GRIN2A: variants seen among roughly 807,000 people sequenced by gnomAD.
GRIN2A encodes the protein glutamate ionotropic receptor NMDA type subunit 2A, also known as glutamate receptor ionotropic, NMDA 2A.
In GRIN2A, 22 loss-of-function variants were observed where a neutral mutation model predicts 113.4. That is an observed-to-expected ratio of 0.19 (90% confidence interval 0.14 to 0.28). The LOEUF is 0.28. Ranked by LOEUF, GRIN2A falls within the 10% of genes least tolerant of loss-of-function variation. The pLI, the probability that GRIN2A is intolerant of heterozygous loss-of-function variation, is 1.00. For synonymous variants in GRIN2A, 827 were observed against 738.4 expected (o/e 1.12, Z -1.94); for missense variants, 1,502 against 1,887.0 (o/e 0.80, Z 3.78).
chr16:9,861,482 A>G (rs2043067229), intron 4 of GRIN2A, among the ~76,000 whole-genome samples: 1 of 152,234 alleles, frequency 6.6e-6, no homozygotes, highest in Non-Finnish European at 1.5e-5. Context: ...ATCACAGGTT[A>G]ACACATAAGT....
Position 9,849,771 on chromosome 16 carries a change from T to C in GRIN2A, c.1313A>G (p.Lys438Arg), listed in dbSNP as rs2042848665. 1 of 1,614,016 alleles carries C rather than the reference T, an allele frequency of 6.2e-7. No individual in the cohort carries two copies. The highest frequency in any genetic ancestry group is 8.5e-7 in the Non-Finnish European group (1 of 1,179,906). The stretch of plus-strand genomic sequence containing the variant: ...TGCCACTCACTTGATTTTGACGAAC[T>C]TCCGACATGGCACGGTGTTCCTCAC... ...TCVRNTVPCR[K>R]FVKINNSTNE... Residue 438 changes from lysine (K) to arginine (R), a missense_variant, in exon 5 of 13, where the codon AAG becomes AGG. Transcript: ENST00000330684.
At position 9,754,599 on chromosome 16, in the gene GRIN2A, A is replaced by G. The variant is rs924451768; in HGVS notation, c.*8550T>C. 1.9e-5 allele frequency: 4 copies of G among 214,554 alleles called. No homozygotes were observed. The highest frequency in any genetic ancestry group is 9.0e-5 in the African/African-American group (4 of 44,284). 13.3% of individuals were successfully genotyped at this position (214,554 alleles called of 1,614,324 possible). On this transcript the variant is annotated 3_prime_UTR_variant, in exon 13 of 13. Coordinates refer to ENST00000330684, the MANE Select transcript of GRIN2A (RefSeq NM_001134407.3). Reference sequence around the variant, plus strand: ...AACTGAAACATTTACGTAAGTGGTCATGGCCCCAGAGCTTTTCTACAAACT... The same window carrying G: ...AACTGAAACATTTACGTAAGTGGTCGTGGCCCCAGAGCTTTTCTACAAACT...
At chr16:9,972,995 C>T (rs1307351562) in intron 2 of GRIN2A, among the ~76,000 whole-genome samples, 3 of 152,152 alleles carry the variant, frequency 2.0e-5, no homozygotes, top group Non-Finnish European at 2.9e-5. Context: ...GAGATGAAAT[C>T]ACAGGGCGTT....
chr16:9,775,423 A>G (rs910880240), intron 11 of GRIN2A, among the ~76,000 whole-genome samples: 5 of 152,216 alleles, frequency 3.3e-5, no homozygotes, highest in African/African-American at 1.2e-4. Context: ...AGCACTTAAC[A>G]TGTGGCAAAC....
At chr16:9,832,748 ATCT>A (rs2042518870) in intron 8 of GRIN2A, among the ~76,000 whole-genome samples, 5 of 152,328 alleles carry the variant, frequency 3.3e-5, no homozygotes, top group African/African-American at 1.2e-4. Flanking sequence ...CCTGTTGGAA[ATCT>A]TCTTAGAGGT....
At chr16:9,934,567 GTTAC>G (rs201004860) in intron 3 of GRIN2A, among the ~76,000 whole-genome samples, 1,877 of 148,894 alleles carry the variant, frequency 0.013, 41 homozygotes, top group African/African-American at 0.044. Flanking sequence ...TGTAGTCCCA[GTTAC>G]TTAGGAGGGT....
rs149158084 is a variant in GRIN2A, at chr16:9,924,437, G to A, written c.1007+13522C>T. Among the ~76,000 whole-genome samples, 543 of 152,168 alleles carry A rather than the reference G, an allele frequency of 3.6e-3. 5 individuals carry two copies. The highest frequency in any genetic ancestry group is 0.012 in the African/African-American group (508 of 41,526). ...CCTGTATTGTTTCCGACGAGAAGTCGGCTGACATCTTTTTTCACTCTGACA... is the reference window on the plus strand; with the variant it reads ...CCTGTATTGTTTCCGACGAGAAGTCAGCTGACATCTTTTTTCACTCTGACA... On this transcript the variant is annotated intron_variant, in intron 3 of 12. Coordinates refer to ENST00000330684, the MANE Select transcript of GRIN2A (RefSeq NM_001134407.3).
chr16:9,780,205 G>T (rs8054772), intron 11 of GRIN2A, among the ~76,000 whole-genome samples: 2,464 of 152,332 alleles, frequency 0.016, 65 homozygotes, highest in African/African-American at 0.051. Context: ...CTGGTTCAAA[G>T]TATCTACTAA....
intron 2 of GRIN2A, among the ~76,000 whole-genome samples, chr16:9,976,157 A>G (rs1393633784): frequency 6.6e-6 from 1 of 152,242 alleles, no homozygotes; most frequent in Non-Finnish European, 1.5e-5. Context: ...TATAGCTTAC[A>G]TAAATGGGGA....
chr16:9,825,551 G>A (rs1567326299), intron 9 of GRIN2A, among the ~76,000 whole-genome samples: 1 of 152,120 alleles, frequency 6.6e-6, no homozygotes, highest in Non-Finnish European at 1.5e-5. Flanking sequence ...AATTAACCAA[G>A]ATATTTTTTC....
rs78379356 is a variant in GRIN2A, at chr16:9,793,706, A to G, written c.2356+4571T>C. On this transcript the variant is annotated intron_variant, in intron 11 of 12. Coordinates refer to ENST00000330684, the MANE Select transcript of GRIN2A (RefSeq NM_001134407.3). Reference sequence around the variant, plus strand: ...CTTAAAGATACTAGTTATGTCTCGTATTTCTCCTTGACCATTCTCTTATCT... The same window carrying G: ...CTTAAAGATACTAGTTATGTCTCGTGTTTCTCCTTGACCATTCTCTTATCT... 2.6e-3 allele frequency among the ~76,000 whole-genome samples: 403 copies of G among 152,182 alleles called. 5 individuals are homozygous for G. The highest frequency in any genetic ancestry group is 9.4e-3 in the African/African-American group (391 of 41,536).
In GRIN2A at chr16:9,829,284, G is replaced by C. The variant is rs2042443550; in HGVS notation, c.2007+139C>G. 7.8e-6 allele frequency: 5 copies of C among 644,318 alleles called. No homozygotes were observed. In the South Asian group the frequency reaches 9.3e-5, roughly 12 times the overall value. 39.9% of individuals were successfully genotyped at this position (644,318 alleles called of 1,614,324 possible). Reference sequence around the variant, plus strand: ...AAAACTTTGAGAAAGAGGACAATTTGAGTTAAAGAGAAAAAACCTTCTGGC... The same window carrying C: ...AAAACTTTGAGAAAGAGGACAATTTCAGTTAAAGAGAAAAAACCTTCTGGC... On this transcript the variant is annotated intron_variant, in intron 9 of 12. Transcript: ENST00000330684.
chr16:9,760,345 T>G lies in GRIN2A; in HGVS notation c.*2804A>C, dbSNP rs956793806. Reference sequence around the variant, plus strand: ...CTTTGAATAACTCTACATCTTTTCCTTAGAAATTGACCATCTGATCAGTAG... The same window carrying G: ...CTTTGAATAACTCTACATCTTTTCCGTAGAAATTGACCATCTGATCAGTAG... On this transcript the variant is annotated 3_prime_UTR_variant, in exon 13 of 13. Transcript: ENST00000330684. 9 of 202,956 alleles carry G rather than the reference T, an allele frequency of 4.4e-5. No homozygotes were observed. The highest frequency in any genetic ancestry group is 9.9e-6 in the Non-Finnish European group (1 of 101,180). 12.6% of individuals were successfully genotyped at this position (202,956 alleles called of 1,614,324 possible).
At chr16:10,064,532 C>A (rs972374121) in intron 2 of GRIN2A, among the ~76,000 whole-genome samples, 2 of 152,174 alleles carry the variant, frequency 1.3e-5, no homozygotes, top group Non-Finnish European at 2.9e-5. Flanking sequence ...CTGTTCATGC[C>A]TCTACATTGA....
intron 2 of GRIN2A, among the ~76,000 whole-genome samples, chr16:10,014,585 C>T (rs1215064243): frequency 2.0e-5 from 3 of 152,112 alleles, no homozygotes; most frequent in Non-Finnish European, 4.4e-5. Context: ...CATAAATGGA[C>T]CACTCTGAAA....
chr16:9,802,631 C>T (rs1447984613), intron 10 of GRIN2A, among the ~76,000 whole-genome samples: 6 of 152,132 alleles, frequency 3.9e-5, no homozygotes, highest in African/African-American at 1.4e-4. Context: ...TGTCTATAAG[C>T]AGACAAGGTT....
intron 3 of GRIN2A, among the ~76,000 whole-genome samples, chr16:9,913,173 T>C (rs920840066): frequency 6.6e-6 from 1 of 152,240 alleles, no homozygotes; most frequent in African/African-American, 2.4e-5. Context: ...AGTTCTCTAC[T>C]GTAAGCAAAG....
At chr16:9,988,751 G>A (rs1288595541) in intron 2 of GRIN2A, among the ~76,000 whole-genome samples, 2 of 152,106 alleles carry the variant, frequency 1.3e-5, no homozygotes, top group Admixed American at 6.6e-5. Context: ...TTAGAACCAA[G>A]CCAAGATATG....
chr16:10,157,643 C>G (rs1027863871), intron 2 of GRIN2A, among the ~76,000 whole-genome samples: 1 of 151,942 alleles, frequency 6.6e-6, no homozygotes, highest in Non-Finnish European at 1.5e-5. Context: ...ATCTATAAAA[C>G]TATCAGATCT....
Sources: allele counts gnomAD v4.1 joint callset (sites outside exome capture counted in the v4.1 genomes callset), GRCh38; gene constraint gnomAD v4.1.1; transcripts MANE v1.5; gene names NCBI Gene and HGNC (gene_info 2026-07-23, HGNC 2026-07-21).